Variants in SLC25A12 observed in about 807,000 individuals in gnomAD.
The protein encoded by SLC25A12 is electrogenic aspartate/glutamate antiporter SLC25A12, mitochondrial.
SLC25A12 carries 32 observed loss-of-function variants against 83.3 expected under a neutral mutation model. The observed-to-expected ratio is 0.38, with a 90% CI of 0.29 to 0.52. SLC25A12 has a LOEUF of 0.52. SLC25A12 is among the 20% of genes least tolerant of loss of function. SLC25A12 has a pLI of 0.84. For synonymous variants in SLC25A12, 267 were observed against 291.1 expected (o/e 0.92, Z 0.84); for missense variants, 611 against 835.6 (o/e 0.73, Z 3.31).
At chr2:171,853,639 C>A (rs1357254242) in intron 4 of SLC25A12, among the ~76,000 whole-genome samples, 3 of 152,082 alleles carry the variant, frequency 2.0e-5, no homozygotes, top group African/African-American at 7.2e-5. Context: ...CAAGATCACG[C>A]CACTGCACTC....
rs1553472979 is a variant in SLC25A12, at chr2:171,831,898, C to CCA, written c.845+2064_845+2065insTG. On this transcript the variant is annotated intron_variant, in intron 8 of 17. Coordinates refer to ENST00000422440, the MANE Select transcript of SLC25A12 (RefSeq NM_003705.5). Reference sequence around the variant, plus strand: ...TGGGCAACAGAGCAAGACTCTGTCTCAAAAAAAAAAAAATTAAAGGGAAAG... The same window carrying CCA: ...TGGGCAACAGAGCAAGACTCTGTCTCCAAAAAAAAAAAAAATTAAAGGGAAAG... 2.8e-5 allele frequency among the ~76,000 whole-genome samples: 4 copies of CCA among 145,090 alleles called. No individual in the cohort carries two copies. The East Asian group carries it at 6.2e-4, about 22-fold the overall frequency.
At chr2:171,827,278 A>G (rs1436112771) in intron 8 of SLC25A12, among the ~76,000 whole-genome samples, 1 of 151,842 alleles carries the variant, frequency 6.6e-6, no homozygotes, top group African/African-American at 2.4e-5. Context: ...GCCTCGAAGG[A>G]AAGGAACAAG....
At position 171,872,982 on chromosome 2, in the gene SLC25A12, T is replaced by A. The variant is rs999770168; in HGVS notation, c.67-4159A>T. Among the ~76,000 whole-genome samples, 6 of 152,152 alleles carry A rather than the reference T, an allele frequency of 3.9e-5. No individual in the cohort carries two copies. In the East Asian group the frequency reaches 1.2e-3, roughly 29 times the overall value. ...AAACCAAATGGTAGAAGACTTTGAA[T>A]GCTAAACAGAAGAGTCTGAACTTTA... On this transcript the variant is annotated intron_variant, in intron 2 of 17. Coordinates refer to ENST00000422440, the MANE Select transcript of SLC25A12 (RefSeq NM_003705.5).
intron 3 of SLC25A12, among the ~76,000 whole-genome samples, chr2:171,862,583 TG>T (rs1685186481): frequency 6.6e-6 from 1 of 152,058 alleles, no homozygotes. Context: ...CCGGAAAACA[TG>T]GGGGAAGGAT....
intron 2 of SLC25A12, among the ~76,000 whole-genome samples, chr2:171,873,330 C>A (rs1685496037): frequency 6.6e-6 from 1 of 152,120 alleles, no homozygotes; most frequent in Admixed American, 6.5e-5. Flanking sequence ...CACCTGTAGA[C>A]CCAACTACTG....
intron 2 of SLC25A12, among the ~76,000 whole-genome samples, chr2:171,879,840 C>T (rs1461247072): frequency 1.3e-5 from 2 of 152,124 alleles, no homozygotes; most frequent in East Asian, 3.8e-4. Flanking sequence ...TTTAACATAG[C>T]AGGGTGCAGA....
At chr2:171,797,676 G>A (rs572687292) in intron 13 of SLC25A12, among the ~76,000 whole-genome samples, 11 of 152,164 alleles carry the variant, frequency 7.2e-5, no homozygotes, top group Admixed American at 2.6e-4. Context: ...ACTGGTTGGC[G>A]TTAGTTACTG....
At chr2:171,861,415 ATTTAT>A (rs1444950415) in intron 3 of SLC25A12, among the ~76,000 whole-genome samples, 2 of 152,094 alleles carry the variant, frequency 1.3e-5, no homozygotes, top group African/African-American at 4.8e-5. Flanking sequence ...TTATTTATTT[ATTTAT>A]TTTAAGAAAC....
intron 2 of SLC25A12, among the ~76,000 whole-genome samples, chr2:171,880,038 GTGTT>G (rs1685657621): frequency 6.6e-6 from 1 of 152,104 alleles, no homozygotes; most frequent in Non-Finnish European, 1.5e-5. Flanking sequence ...GTTTTTCAGA[GTGTT>G]TATCTTTAGG....
rs550761175 is a variant in SLC25A12, at chr2:171,810,917, T to C, written c.1172-641A>G. ...TGTTGTATTCTTATTGACTAATATA[T>C]GTCAAGCTTAAGACATTTTAAAAGA... is the stretch of plus-strand genomic sequence containing the variant. On this transcript the variant is annotated intron_variant, in intron 11 of 17. Coordinates refer to ENST00000422440, the MANE Select transcript of SLC25A12 (RefSeq NM_003705.5). 2.6e-5 allele frequency among the ~76,000 whole-genome samples: 4 copies of C among 152,332 alleles called. No homozygotes were observed. The South Asian group carries it at 8.3e-4, about 32-fold the overall frequency.
chr2:171,847,633 TG>T (rs1445109446), intron 4 of SLC25A12, among the ~76,000 whole-genome samples: 1 of 152,170 alleles, frequency 6.6e-6, no homozygotes, highest in Non-Finnish European at 1.5e-5. Flanking sequence ...AGTTCTGGCC[TG>T]GAAGAAAGGG....
At chr2:171,835,867 C>T (rs1684544700) in intron 6 of SLC25A12, among the ~76,000 whole-genome samples, 1 of 151,488 alleles carries the variant, frequency 6.6e-6, no homozygotes, top group Non-Finnish European at 1.5e-5. Flanking sequence ...ACCAGCAACC[C>T]AAAAAGCTGG....
chr2:171,832,852 T>C (rs1274557073), intron 8 of SLC25A12, among the ~76,000 whole-genome samples: 1 of 152,230 alleles, frequency 6.6e-6, no homozygotes, highest in African/African-American at 2.4e-5. Context: ...AGATGGCTTA[T>C]GTCTTTTCCT....
intron 4 of SLC25A12, among the ~76,000 whole-genome samples, chr2:171,854,538 G>T (rs1685006807): frequency 6.6e-6 from 1 of 151,944 alleles, no homozygotes; most frequent in Non-Finnish European, 1.5e-5. Context: ...TTACAATCCA[G>T]TCTGGGCGAC....
At chr2:171,888,138 A>G (rs561794915) in intron 2 of SLC25A12, among the ~76,000 whole-genome samples, 17 of 138,494 alleles carry the variant, frequency 1.2e-4, no homozygotes, top group African/African-American at 3.8e-4. Context: ...TCTGTCACCC[A>G]TGCTGGAGTG....
At chr2:171,833,483 C>G (rs183273878) in intron 8 of SLC25A12, among the ~76,000 whole-genome samples, 11 of 152,182 alleles carry the variant, frequency 7.2e-5, no homozygotes. Flanking sequence ...ACAGGCCAGG[C>G]TGGTCTCAAA....
At chr2:171,820,310 T>C (rs1369758526) in intron 9 of SLC25A12, among the ~76,000 whole-genome samples, 2 of 152,216 alleles carry the variant, frequency 1.3e-5, no homozygotes, top group East Asian at 1.9e-4. Flanking sequence ...GTGAGTGGCC[T>C]ATAGCTTTAA....
At chr2:171,824,667 CTTAATT>C (rs1574700592) in intron 9 of SLC25A12, among the ~76,000 whole-genome samples, 1 of 145,938 alleles carries the variant, frequency 6.9e-6, no homozygotes, top group Non-Finnish European at 1.5e-5. Flanking sequence ...TTCAATGTCT[CTTAATT>C]TTATTAAAAA....
chr2:171,790,838 G>T (rs928448773), intron 15 of SLC25A12, among the ~76,000 whole-genome samples: 2 of 152,000 alleles, frequency 1.3e-5, no homozygotes, highest in African/African-American at 4.8e-5. Flanking sequence ...CTCCCGGGTA[G>T]CTGGCTGGGA....
Sources: gnomAD v4.1 joint callset for allele counts (sites outside exome capture counted in the v4.1 genomes callset) on GRCh38, gnomAD v4.1.1 for gene constraint, MANE v1.5 for transcripts, NCBI Gene and HGNC (gene_info 2026-07-23, HGNC 2026-07-21) for gene names.